The following ZFR variants were observed in gnomAD, a reference collection of about 807,000 sequenced individuals.
The protein encoded by ZFR is zinc finger RNA binding protein.
Under a neutral mutation model 130.7 loss-of-function variants are expected in ZFR, and 19 were observed. The observed-to-expected ratio is 0.15, with a 90% CI of 0.10 to 0.21. The LOEUF (loss-of-function observed/expected upper bound fraction) is 0.21, where lower values mean the gene tolerates loss of function less well. Ranked by LOEUF, ZFR falls within the 10% of genes least tolerant of loss-of-function variation. The pLI is 1.00. For synonymous variants in ZFR, 466 were observed against 456.9 expected (o/e 1.02, Z -0.25); for missense variants, 872 against 1,321.5 (o/e 0.66, Z 5.27).
At chr5:32,379,049 G>T in intron 17 of ZFR, 66 bp downstream of exon 17, 1 of 1,210,602 alleles carries the variant, frequency 8.3e-7, no homozygotes, top group South Asian at 1.3e-5. Flanking sequence ...CATGTAAACT[G>T]AGAGGATAAA....
At chr5:32,386,258 C>T (rs1753043496) in intron 14 of ZFR, among the ~76,000 whole-genome samples, 1 of 152,054 alleles carries the variant, frequency 6.6e-6, no homozygotes, top group South Asian at 2.1e-4. Flanking sequence ...AACTATCCTG[C>T]ACCTATTTCT....
chr5:32,382,318 A>G (rs1466889844), intron 15 of ZFR, among the ~76,000 whole-genome samples: 1 of 152,116 alleles, frequency 6.6e-6, no homozygotes, highest in African/African-American at 2.4e-5. Context: ...AAAACAAAGC[A>G]AAACAAAACC....
chr5:32,363,984 A>G lies in ZFR; in HGVS notation c.3009T>C (p.Thr1003=). 6.2e-7 allele frequency: 1 copy of G among 1,614,172 alleles called. No individual in the cohort carries two copies. The highest frequency in any genetic ancestry group is 2.2e-5 in the East Asian group (1 of 44,878). The change falls in exon 19 of 20, where the codon ACT becomes ACC. Residue 1003 remains threonine, a synonymous_variant. Transcript: ENST00000265069. ...ATGTGATGTCTTCACGCTGCTGGTCAGTCATTGTTGCCAAGGTATCAAAGG... is the reference window on the plus strand; with the variant it reads ...ATGTGATGTCTTCACGCTGCTGGTCGGTCATTGTTGCCAAGGTATCAAAGG... ...KDPFDTLATM[T]DQQREDITSS...
At chr5:32,371,344 T>C (rs1752665223) in intron 17 of ZFR, among the ~76,000 whole-genome samples, 1 of 152,196 alleles carries the variant, frequency 6.6e-6, no homozygotes. Flanking sequence ...CCCTCCAGTT[T>C]AGATGACAGA....
At chr5:32,382,823 T>C (rs1752961917) in intron 15 of ZFR, among the ~76,000 whole-genome samples, 1 of 152,184 alleles carries the variant, frequency 6.6e-6, no homozygotes, top group Non-Finnish European at 1.5e-5. Flanking sequence ...GTAGAAAATT[T>C]TTGTTAAATT....
At chr5:32,385,693 T>C (rs1420552128) in intron 14 of ZFR, 44 bp from the exon 15 acceptor site, 4 of 1,603,732 alleles carry the variant, frequency 2.5e-6, no homozygotes, top group Non-Finnish European at 3.4e-6. Context: ...TCTGTTGTAT[T>C]AACAAACAAA....
chr5:32,398,796 G>A (rs1753375951), intron 9 of ZFR, among the ~76,000 whole-genome samples: 1 of 151,710 alleles, frequency 6.6e-6, no homozygotes, highest in Admixed American at 6.6e-5. Context: ...AAGTGATTGT[G>A]CCTCAGCGTC....
Position 32,355,748 on chromosome 5 carries a change from TAC to T in ZFR, c.*10_*11del. The T allele has an allele frequency of 6.4e-7, 1 of 1,568,032 alleles. No individual in the cohort carries two copies. The highest frequency in any genetic ancestry group is 8.6e-7 in the Non-Finnish European group (1 of 1,160,562). ...ATCTGTTTTTTTAACACTGAAGATT[TAC>T]AGACACTTTTTAAAAGTTATCATAA... On this transcript the variant is annotated 3_prime_UTR_variant, in exon 20 of 20. Transcript: ENST00000265069.
rs55764297 is a variant in ZFR, at chr5:32,399,035, G to A, written c.1713+972C>T. Reference sequence around the variant, plus strand: ...TCACGCCTGTAATCACAGCACTTTGGAAGGCCGAGGCAGGCAGATCATGAG... The same window carrying A: ...TCACGCCTGTAATCACAGCACTTTGAAAGGCCGAGGCAGGCAGATCATGAG... On this transcript the variant is annotated intron_variant, in intron 9 of 19. Transcript: ENST00000265069. Among the ~76,000 whole-genome samples, 1,134 of 152,150 alleles carry A rather than the reference G, an allele frequency of 7.5e-3. 18 individuals carry two copies. Among genetic ancestry groups the A allele is most frequent in the African/African-American group, 0.026 (1,079 of 41,516 alleles).
At chr5:32,444,437 C>T (rs999345464) in intron 1 of ZFR, 109 bp from the exon 2 acceptor site, 2 of 1,336,762 alleles carry the variant, frequency 1.5e-6, no homozygotes, top group East Asian at 3.0e-5. Flanking sequence ...TGAGAGCAGC[C>T]CTGGCGGGGC....
chr5:32,370,812 C>T (rs1752655141), intron 17 of ZFR, among the ~76,000 whole-genome samples: 2 of 152,188 alleles, frequency 1.3e-5, no homozygotes, highest in Non-Finnish European at 2.9e-5. Flanking sequence ...TTTATTTCAT[C>T]ACCATGGATT....
intron 2 of ZFR, among the ~76,000 whole-genome samples, chr5:32,427,264 G>A (rs554750049): frequency 1.3e-5 from 2 of 151,058 alleles, no homozygotes; most frequent in South Asian, 2.1e-4. Context: ...ATGATGACAC[G>A]TGCATGTAGT....
chr5:32,403,059 A>T, intron 8 of ZFR, 47 bp downstream of exon 8: 1 of 1,571,844 alleles, frequency 6.4e-7, no homozygotes, highest in Non-Finnish European at 8.7e-7. Context: ...TGGAGAAGAA[A>T]CAACACTTTG....
chr5:32,388,115 T>C (rs755280331), intron 13 of ZFR, among the ~76,000 whole-genome samples: 2 of 152,138 alleles, frequency 1.3e-5, no homozygotes, highest in South Asian at 2.1e-4. Flanking sequence ...TTTAAGGAAA[T>C]AGTTATTAAA....
At chr5:32,400,955 C>A (rs545357514) in intron 8 of ZFR, among the ~76,000 whole-genome samples, 1 of 152,286 alleles carries the variant, frequency 6.6e-6, no homozygotes, top group African/African-American at 2.4e-5. Context: ...AACAAAGTTT[C>A]CCACCAGGGA....
At chr5:32,361,081 T>G (rs1045677175) in intron 19 of ZFR, among the ~76,000 whole-genome samples, 2 of 152,222 alleles carry the variant, frequency 1.3e-5, no homozygotes, top group Non-Finnish European at 2.9e-5. Context: ...TCCCAAAGTC[T>G]TGAGATTACA....
At chr5:32,383,985 G>A (rs1454601082) in intron 15 of ZFR, among the ~76,000 whole-genome samples, 2 of 152,126 alleles carry the variant, frequency 1.3e-5, no homozygotes. Flanking sequence ...GTCTGGGTCA[G>A]ACAAAAATAT....
At chr5:32,438,350 A>G (rs1581720171) in intron 2 of ZFR, among the ~76,000 whole-genome samples, 1 of 134,394 alleles carries the variant, frequency 7.4e-6, no homozygotes, top group East Asian at 2.2e-4. Context: ...CGCAACCTCC[A>G]CCTCCTGGAT....
intron 5 of ZFR, among the ~76,000 whole-genome samples, chr5:32,412,052 T>C (rs1386600389): frequency 6.6e-6 from 1 of 152,138 alleles, no homozygotes; most frequent in Admixed American, 6.5e-5. Context: ...TGAAAGGATT[T>C]TGCAACTACC....
Sources: gnomAD v4.1 joint callset for allele counts (sites outside exome capture counted in the v4.1 genomes callset) on GRCh38, gnomAD v4.1.1 for gene constraint, MANE v1.5 for transcripts, NCBI Gene and HGNC (gene_info 2026-07-23, HGNC 2026-07-21) for gene names.